The following ITGAV variants were observed in gnomAD, a reference collection of about 807,000 sequenced individuals.
ITGAV encodes the protein integrin alpha-V.
Under a neutral mutation model 143.8 loss-of-function variants are expected in ITGAV, and 76 were observed. That is an observed-to-expected ratio of 0.53 (90% CI 0.44 to 0.64). ITGAV has a LOEUF of 0.64. ITGAV is among the 30% of genes least tolerant of loss of function. The pLI is 0.00. For synonymous variants in ITGAV, 453 were observed against 446.7 expected, an observed-to-expected ratio of 1.01 and a Z score of -0.18; for missense variants, 1,193 against 1,274.7, an observed-to-expected ratio of 0.94 and a Z score of 0.98.
intron 17 of ITGAV, among the ~76,000 whole-genome samples, chr2:186,658,826 A>G (rs1559063500): frequency 6.6e-6 from 1 of 152,174 alleles, no homozygotes; most frequent in African/African-American, 2.4e-5. Context: ...CAAATAGTAC[A>G]TTGTAAAACA....
intron 17 of ITGAV, 48 bp from the exon 18 acceptor site, chr2:186,658,990 A>G: frequency 6.7e-7 from 1 of 1,484,622 alleles, no homozygotes; most frequent in African/African-American, 1.4e-5. Context: ...ATTTCTCCAG[A>G]TAATTTAGGT....
intron 2 of ITGAV, among the ~76,000 whole-genome samples, chr2:186,618,887 C>T (rs1265994466): frequency 6.6e-6 from 1 of 152,036 alleles, no homozygotes; most frequent in Non-Finnish European, 1.5e-5. Flanking sequence ...TATGATCTGG[C>T]AATCCCACTA....
At chr2:186,637,356 C>T (rs1044794752) in intron 8 of ITGAV, among the ~76,000 whole-genome samples, 7 of 151,504 alleles carry the variant, frequency 4.6e-5, no homozygotes, top group African/African-American at 1.7e-4. Context: ...GTGATGCACA[C>T]CAGTGTCTAG....
rs754558098 is a variant in ITGAV, at chr2:186,651,983, G to T, written c.1399G>T (p.Ala467Ser). 5 of 1,593,390 alleles carry T rather than the reference G, an allele frequency of 3.1e-6. No homozygotes were observed. In the South Asian group the frequency reaches 5.6e-5, roughly 18 times the overall value. Reference sequence around the variant, plus strand: ...ATCTTCTTTTCCCTCCCCCGCTAGGGCCAGACCAGTTATCACTGTAAATGC... The same window carrying T: ...ATCTTCTTTTCCCTCCCCCGCTAGGTCCAGACCAGTTATCACTGTAAATGC... The part of the protein sequence containing the change: ...FGVDRAILYR[A>S]RPVITVNAGL... The change falls in exon 15 of 30, where the codon GCC (alanine) becomes TCC (serine). Residue 467 changes from alanine to serine, a missense_variant and splice_region_variant. Physicochemically the swap from Ala to Ser is moderately conservative, Grantham distance 99. Transcript: ENST00000261023.
At chr2:186,648,821 T>G (rs556269397) in intron 13 of ITGAV, among the ~76,000 whole-genome samples, 2 of 151,930 alleles carry the variant, frequency 1.3e-5, no homozygotes, top group Non-Finnish European at 2.9e-5. Flanking sequence ...TATACATAAA[T>G]AAAAATGATT....
At chr2:186,660,207 T>G (rs990910926) in intron 18 of ITGAV, among the ~76,000 whole-genome samples, 14 of 152,172 alleles carry the variant, frequency 9.2e-5, no homozygotes, top group Non-Finnish European at 1.8e-4. Context: ...TACTTTTGAT[T>G]AATTTTCCAA....
rs772804832 is a variant in ITGAV, at chr2:186,675,858, T to C, written c.2859T>C (p.Ser953=). 2 of 1,609,112 alleles carry C rather than the reference T, an allele frequency of 1.2e-6. No individual in the cohort carries two copies. The highest frequency in any genetic ancestry group is 1.7e-6 in the Non-Finnish European group (2 of 1,176,824). The part of the protein sequence containing the change: ...NQNHSYSLKS[S]ASFNVIEFPY... ...ATCATTCCTATTCTCTGAAGTCGTCTGCTTCATTTAATGTCATAGAGTTTC... is the reference window on the plus strand; with the variant it reads ...ATCATTCCTATTCTCTGAAGTCGTCCGCTTCATTTAATGTCATAGAGTTTC... The change falls in exon 28 of 30, where the codon TCT becomes TCC. Residue 953 remains serine, a synonymous_variant. Coordinates refer to ENST00000261023, the MANE Select transcript of ITGAV (RefSeq NM_002210.5).
rs1232040198 is a variant in ITGAV, at chr2:186,669,797, G to A, written c.2689G>A (p.Gly897Arg). The A allele has an allele frequency of 1.9e-6, 3 of 1,612,556 alleles. No individual in the cohort carries two copies. The highest frequency in any genetic ancestry group is 2.5e-6 in the Non-Finnish European group (3 of 1,178,836). The part of the protein sequence containing the change: ...ITKRDLALSE[G>R]DIHTLGCGVA... ...TAAGCGGGATCTTGCCCTCAGTGAA[G>A]GAGATATTCACACTTTGGTAAGTGC... Residue 897 changes from glycine (G) to arginine (R), a missense_variant, in exon 26 of 30, where the codon GGA (glycine) becomes AGA (arginine). Gly to Arg is a moderately radical substitution (Grantham distance 125). Transcript: ENST00000261023.
chr2:186,677,220 G>A lies in ITGAV; in HGVS notation c.3075G>A (p.Arg1025=). 4 of 1,613,600 alleles carry A rather than the reference G, an allele frequency of 2.5e-6. No individual in the cohort carries two copies. Among genetic ancestry groups the A allele is most frequent in the Non-Finnish European group, 3.4e-6 (4 of 1,179,738 alleles). ...MYRMGFFKRV[R]PPQEEQEREQ... The stretch of plus-strand genomic sequence containing the variant: ...AGATGGGCTTTTTTAAACGGGTCCG[G>A]CCACCTCAAGAAGAACAAGAAAGGG... Residue 1025 remains arginine (R), a synonymous_variant, in exon 30 of 30, where the codon CGG becomes CGA. Coordinates refer to ENST00000261023, the MANE Select transcript of ITGAV (RefSeq NM_002210.5).
intron 2 of ITGAV, 53 bp from the exon 3 acceptor site, chr2:186,622,286 T>C (rs1687550119): frequency 8.2e-7 from 1 of 1,217,728 alleles, no homozygotes; most frequent in South Asian, 1.3e-5. Flanking sequence ...AATAAACTGT[T>C]ATATTAAGAA....
chr2:186,674,577 T>G (rs915234724), intron 26 of ITGAV, among the ~76,000 whole-genome samples: 1 of 152,024 alleles, frequency 6.6e-6, no homozygotes, highest in East Asian at 1.9e-4. Flanking sequence ...AGTGACATGA[T>G]CTTGGCTTAC....
At chr2:186,667,034 A>G (rs1688917172) in intron 22 of ITGAV, 116 bp from the exon 23 acceptor site, 3 of 614,662 alleles carry the variant, frequency 4.9e-6, no homozygotes, top group Non-Finnish European at 8.1e-6. Flanking sequence ...AACTATTTTG[A>G]GGTATAAGCT....
intron 3 of ITGAV, among the ~76,000 whole-genome samples, chr2:186,622,948 G>A (rs1687573818): frequency 6.6e-6 from 1 of 152,086 alleles, no homozygotes; most frequent in Non-Finnish European, 1.5e-5. Context: ...GTTTTTAGTA[G>A]AGACAGGGTT....
intron 6 of ITGAV, among the ~76,000 whole-genome samples, chr2:186,635,305 G>T (rs936947267): frequency 2.0e-5 from 3 of 152,118 alleles, no homozygotes; most frequent in African/African-American, 7.2e-5. Context: ...AAGAAATAAT[G>T]AATTTTCCTC....
At chr2:186,666,617 G>A (rs916788760) in intron 21 of ITGAV, 87 bp from the exon 22 acceptor site, 5 of 642,902 alleles carry the variant, frequency 7.8e-6, no homozygotes, top group Admixed American at 3.0e-5. Flanking sequence ...CCCCATTTTA[G>A]AACATTATTT....
intron 14 of ITGAV, among the ~76,000 whole-genome samples, chr2:186,651,644 C>A (rs529778420): frequency 4.6e-5 from 7 of 152,228 alleles, no homozygotes; most frequent in Admixed American, 4.6e-4. Flanking sequence ...CACTCATTTT[C>A]TCCACGGTAG....
intron 17 of ITGAV, among the ~76,000 whole-genome samples, chr2:186,657,330 AAAG>A (rs1473395911): frequency 6.6e-6 from 1 of 152,220 alleles, no homozygotes; most frequent in Non-Finnish European, 1.5e-5. Flanking sequence ...CCTAACAACT[AAAG>A]AATATGAAAA....
chr2:186,663,636 A>G (rs917212779), intron 18 of ITGAV, 132 bp from the exon 19 acceptor site: 2 of 610,668 alleles, frequency 3.3e-6, no homozygotes, highest in African/African-American at 3.7e-5. Context: ...GGTATACAAC[A>G]AACAAGCTGA....
chr2:186,659,133 A>G lies in ITGAV; in HGVS notation c.1815A>G (p.Gln605=), dbSNP rs1688671305. The G allele has an allele frequency of 1.9e-6, 3 of 1,613,094 alleles. No individual in the cohort carries two copies. The highest frequency in any genetic ancestry group is 2.5e-6 in the Non-Finnish European group (3 of 1,179,290). ...YRTAADTTGL[Q]PILNQFTPAN... is the part of the protein sequence containing the mutation. ...CAGCTGCTGATACAACAGGCTTGCA[A>G]CCCATTCTTAACCAGTTCACGCCTG... Residue 605 remains glutamine, a synonymous_variant, in exon 18 of 30, where the codon CAA becomes CAG. Transcript: ENST00000261023.
Sources: gnomAD v4.1 joint callset for allele counts (sites outside exome capture counted in the v4.1 genomes callset) on GRCh38, gnomAD v4.1.1 for gene constraint, MANE v1.5 for transcripts, NCBI Gene and HGNC (gene_info 2026-07-23, HGNC 2026-07-21) for gene names.